Variants in ZNF536 observed in about 807,000 individuals in gnomAD.
The protein encoded by ZNF536 is zinc finger protein 536.
Under a neutral mutation model 84.5 loss-of-function variants are expected in ZNF536, and 13 were observed. The ratio of observed to expected loss-of-function variants is 0.15; its 90% CI spans 0.10 to 0.24. ZNF536 has a LOEUF of 0.24. Ranked by LOEUF, ZNF536 falls within the 10% of genes least tolerant of loss-of-function variation. ZNF536 has a pLI of 1.00. For synonymous variants in ZNF536, 811 were observed against 742.5 expected (o/e 1.09, Z -1.50); for missense variants, 1,536 against 1,747.5 (o/e 0.88, Z 2.16).
intron 1 of ZNF536, among the ~76,000 whole-genome samples, chr19:30,414,116 T>A (rs1020539324): frequency 1.1e-5 from 1 of 94,508 alleles, no homozygotes; most frequent in South Asian, 3.9e-4. Context: ...AAAAAAAAAG[T>A]TTCCCTGTAC....
At chr19:30,672,951 T>C (rs1037676993) in intron 1 of ZNF536, among the ~76,000 whole-genome samples, 1 of 152,140 alleles carries the variant, frequency 6.6e-6, no homozygotes. Context: ...CCTGTCTTGG[T>C]TGAGTGTATT....
rs765223716 is a variant in ZNF536 at position 30,444,633 on chromosome 19, G to A, written c.1071G>A (p.Ala357=). 6.6e-5 allele frequency: 106 copies of A among 1,613,948 alleles called. No individual in the cohort carries two copies. The Middle Eastern group carries it at 8.2e-4, about 13-fold the overall frequency. ...CEVCGQVFSQ[A]WFLKGHMRKH... Reference sequence around the variant, plus strand: ...TGTGCGGTCAGGTGTTCAGCCAGGCGTGGTTCCTCAAGGGTCACATGCGCA... The same window carrying A: ...TGTGCGGTCAGGTGTTCAGCCAGGCATGGTTCCTCAAGGGTCACATGCGCA... Residue 357 remains alanine, a synonymous_variant, in exon 2 of 5, where the codon GCG becomes GCA. Transcript: ENST00000355537.
intron 2 of ZNF536, among the ~76,000 whole-genome samples, chr19:30,533,289 G>A (rs981096676): frequency 1.4e-4 from 21 of 152,266 alleles, no homozygotes; most frequent in African/African-American, 4.6e-4. Flanking sequence ...GGGAGGCTGA[G>A]GCGGAAAGAT....
At chr19:30,373,098 C>CG (rs1471569498) in intron 1 of ZNF536, among the ~76,000 whole-genome samples, 4 of 152,186 alleles carry the variant, frequency 2.6e-5, no homozygotes, top group African/African-American at 9.7e-5. Context: ...TGCTTTTTGA[C>CG]GTTAGAGAAA....
intron 2 of ZNF536, among the ~76,000 whole-genome samples, chr19:30,451,796 G>C (rs1164480067): frequency 2.6e-5 from 4 of 152,156 alleles, no homozygotes; most frequent in African/African-American, 9.7e-5. Context: ...TCCTGCCCAC[G>C]GAGCTTCTGA....
In ZNF536 at chr19:30,460,275, G is replaced by A. The variant is rs141621240; in HGVS notation, c.2170+14543G>A. Among the ~76,000 whole-genome samples the A allele has an allele frequency of 8.0e-4, 122 of 152,300 alleles. 1 individual carries two copies. Among genetic ancestry groups the A allele is most frequent in the African/African-American group, 2.4e-3 (99 of 41,566 alleles). On this transcript the variant is annotated intron_variant, in intron 2 of 4. Coordinates refer to ENST00000355537, the MANE Select transcript of ZNF536 (RefSeq NM_014717.3). ...GAGAGAATGCCAGCTCATCCATCCC[G>A]TGGCCGAATGTGACAGAGAGAAGCT...
intron 1 of ZNF536, among the ~76,000 whole-genome samples, chr19:30,666,315 G>A (rs2050316295): frequency 6.6e-6 from 1 of 152,110 alleles, no homozygotes; most frequent in Admixed American, 6.5e-5. Context: ...CTGCTGCTGG[G>A]TTCCTTCTCA....
rs117246173 is a variant in ZNF536 at position 30,307,742 on chromosome 19, G to A, written c.-120+23601G>A. 7.9e-4 allele frequency among the ~76,000 whole-genome samples: 120 copies of A among 152,236 alleles called. No homozygotes were observed. The South Asian group carries it at 0.021, about 26-fold the overall frequency. On this transcript the variant is annotated intron_variant, in intron 2 of 5. Transcript: ENST00000585628. Reference sequence around the variant, plus strand: ...CTCAGCCTGACCCACAAGTAAAACCGGCGACAATGATTTAGTTATTGGCTC... The same window carrying A: ...CTCAGCCTGACCCACAAGTAAAACCAGCGACAATGATTTAGTTATTGGCTC...
chr19:30,598,925 C>T (rs1265315259), intron 1 of ZNF536, among the ~76,000 whole-genome samples: 1 of 148,642 alleles, frequency 6.7e-6, no homozygotes, highest in African/African-American at 2.5e-5. Flanking sequence ...TCCTTCTTCC[C>T]TTTCTCCCTC....
intron 1 of ZNF536, among the ~76,000 whole-genome samples, chr19:30,683,159 C>T (rs1054471032): frequency 6.6e-6 from 1 of 152,138 alleles, no homozygotes; most frequent in Admixed American, 6.5e-5. Flanking sequence ...CGAAAGACCA[C>T]CTTTATGGCT....
At chr19:30,605,561 C>G (rs1256311851) in intron 1 of ZNF536, among the ~76,000 whole-genome samples, 1 of 152,178 alleles carries the variant, frequency 6.6e-6, no homozygotes, top group Non-Finnish European at 1.5e-5. Flanking sequence ...CACATATATA[C>G]TGTATTTTCG....
chr19:30,247,060 TG>T (rs2024321090), intron 1 of ZNF536, among the ~76,000 whole-genome samples: 1 of 152,234 alleles, frequency 6.6e-6, no homozygotes, highest in African/African-American at 2.4e-5. Context: ...CGCTGGGGTT[TG>T]GGCATTGCCT....
intron 2 of ZNF536, among the ~76,000 whole-genome samples, chr19:30,334,110 C>T (rs548593107): frequency 6.6e-6 from 1 of 152,110 alleles, no homozygotes; most frequent in Non-Finnish European, 1.5e-5. Flanking sequence ...AATGAAAGCT[C>T]CCATCACTGG....
At chr19:30,432,711 T>G (rs1241358031) in intron 1 of ZNF536, among the ~76,000 whole-genome samples, 4 of 152,246 alleles carry the variant, frequency 2.6e-5, no homozygotes, top group Admixed American at 2.6e-4. Flanking sequence ...CATCCTTTAC[T>G]GGTTTACCAT....
intron 1 of ZNF536, among the ~76,000 whole-genome samples, chr19:30,408,731 G>GATCC (rs1478029277): frequency 6.6e-6 from 1 of 150,606 alleles, no homozygotes; most frequent in Non-Finnish European, 1.5e-5. Context: ...AGCCATCATT[G>GATCC]ATCCATCGGT....
At chr19:30,538,556 C>CGA (rs2045188566) in intron 3 of ZNF536, among the ~76,000 whole-genome samples, 1 of 152,048 alleles carries the variant, frequency 6.6e-6, no homozygotes, top group African/African-American at 2.4e-5. Flanking sequence ...TCTGGGAGCC[C>CGA]GAGAGAGCCT....
intron 1 of ZNF536, among the ~76,000 whole-genome samples, chr19:30,424,659 G>A (rs1395956336): frequency 6.6e-6 from 1 of 152,176 alleles, no homozygotes; most frequent in Non-Finnish European, 1.5e-5. Context: ...TCTCTGCTGA[G>A]AGGGAACTTA....
chr19:30,511,258 G>A (rs1407059598), intron 2 of ZNF536, among the ~76,000 whole-genome samples: 1 of 152,118 alleles, frequency 6.6e-6, no homozygotes, highest in Non-Finnish European at 1.5e-5. Context: ...ATCTCTCGCA[G>A]CTTGGGGCTC....
intron 3 of ZNF536, among the ~76,000 whole-genome samples, chr19:30,354,768 A>T (rs1005253718): frequency 6.6e-6 from 1 of 152,200 alleles, no homozygotes; most frequent in Non-Finnish European, 1.5e-5. Flanking sequence ...GGTATTAGAA[A>T]CAGGCAGAGA....
Sources: allele counts gnomAD v4.1 joint callset (sites outside exome capture counted in the v4.1 genomes callset), GRCh38; gene constraint gnomAD v4.1.1; transcripts MANE v1.5; gene names NCBI Gene and HGNC (gene_info 2026-07-23, HGNC 2026-07-21).